CNTN5: variants seen among roughly 807,000 people sequenced by gnomAD.
CNTN5 encodes contactin-5.
In CNTN5, 77 loss-of-function variants were observed where a neutral mutation model predicts 129.1. The ratio of observed to expected loss-of-function variants is 0.60; its 90% CI spans 0.50 to 0.72. The LOEUF (loss-of-function observed/expected upper bound fraction) is 0.72. Among genes scored for constraint, CNTN5 ranks in the 30% least tolerant of loss-of-function variants. CNTN5 has a pLI of 0.00. For synonymous variants in CNTN5, 509 were observed against 465.6 expected (o/e 1.09, Z -1.20); for missense variants, 1,478 against 1,328.8 (o/e 1.11, Z -1.75).
rs572085995 is a variant in CNTN5 at position 99,450,970 on chromosome 11, G to A, written c.-70-105175G>A. On this transcript the variant is annotated intron_variant, in intron 2 of 24. Transcript: ENST00000524871. ...GTACTCAATGGAGCAAAGATAAGATGTGTAAAAGGAATATGATAGGGGAGT... is the reference window on the plus strand; with the variant it reads ...GTACTCAATGGAGCAAAGATAAGATATGTAAAAGGAATATGATAGGGGAGT... Among the ~76,000 whole-genome samples, 8 of 152,086 alleles carry A rather than the reference G, an allele frequency of 5.3e-5. No individual in the cohort carries two copies. In the East Asian group the frequency reaches 1.5e-3, roughly 29 times the overall value.
At chr11:100,035,900 T>C (rs1166191513) in intron 9 of CNTN5, among the ~76,000 whole-genome samples, 1 of 152,238 alleles carries the variant, frequency 6.6e-6, no homozygotes, top group East Asian at 1.9e-4. Context: ...GCAAAAATTT[T>C]CTCCCATTCT....
intron 9 of CNTN5, among the ~76,000 whole-genome samples, chr11:100,004,911 C>T (rs1226222192): frequency 1.3e-5 from 2 of 152,158 alleles, no homozygotes; most frequent in Non-Finnish European, 2.9e-5. Context: ...CTTCTCATCT[C>T]CTCTGGTGGC....
chr11:99,082,395 G>T (rs1865840171), intron 1 of CNTN5, among the ~76,000 whole-genome samples: 1 of 152,096 alleles, frequency 6.6e-6, no homozygotes, highest in Admixed American at 6.6e-5. Context: ...ATGTTGGCCA[G>T]GGTGGTCTCG....
At chr11:99,870,965 G>A (rs989892536) in intron 6 of CNTN5, among the ~76,000 whole-genome samples, 12 of 152,032 alleles carry the variant, frequency 7.9e-5, no homozygotes, top group African/African-American at 1.4e-4. Context: ...CTTGGGAGGC[G>A]TGACCTAACT....
chr11:100,319,574 A>G (rs560770786), intron 21 of CNTN5, among the ~76,000 whole-genome samples: 8 of 152,228 alleles, frequency 5.3e-5, no homozygotes, highest in Non-Finnish European at 1.0e-4. Flanking sequence ...GCACATAGTT[A>G]TCATTTTTAG....
At chr11:99,645,362 G>T (rs1951919915) in intron 3 of CNTN5, among the ~76,000 whole-genome samples, 1 of 149,912 alleles carries the variant, frequency 6.7e-6, no homozygotes, top group Admixed American at 6.7e-5. Context: ...TAAAATAATT[G>T]CCTAATGTAT....
At chr11:99,359,693 C>G (rs1039228958) in intron 2 of CNTN5, among the ~76,000 whole-genome samples, 7 of 151,856 alleles carry the variant, frequency 4.6e-5, no homozygotes, top group African/African-American at 7.3e-5. Flanking sequence ...ATCTGAATAT[C>G]AGCTAAATCA....
At chr11:99,307,780 C>T (rs115072551) in intron 1 of CNTN5, among the ~76,000 whole-genome samples, 61 of 152,120 alleles carry the variant, frequency 4.0e-4, no homozygotes, top group African/African-American at 1.4e-3. Context: ...TTAAACAGAT[C>T]GGGTCTTGTA....
intron 1 of CNTN5, among the ~76,000 whole-genome samples, chr11:99,207,263 C>G (rs1189850824): frequency 6.6e-6 from 1 of 152,088 alleles, no homozygotes; most frequent in Admixed American, 6.6e-5. Context: ...GAAGCATGTA[C>G]CACATACAAT....
intron 3 of CNTN5, among the ~76,000 whole-genome samples, chr11:99,623,883 A>C (rs568349907): frequency 6.6e-6 from 1 of 152,252 alleles, no homozygotes; most frequent in South Asian, 2.1e-4. Flanking sequence ...TCTGACATAC[A>C]TCATTTAAAT....
intron 4 of CNTN5, among the ~76,000 whole-genome samples, chr11:99,822,377 T>C (rs1190384793): frequency 6.6e-6 from 1 of 152,132 alleles, no homozygotes; most frequent in Non-Finnish European, 1.5e-5. Flanking sequence ...AATGGATACG[T>C]TGTATTATTT....
At chr11:99,916,571 G>T (rs938091307) in intron 7 of CNTN5, among the ~76,000 whole-genome samples, 6 of 152,076 alleles carry the variant, frequency 3.9e-5, no homozygotes, top group African/African-American at 1.4e-4. Flanking sequence ...TGCCACACTG[G>T]AATTAGAACT....
intron 13 of CNTN5, among the ~76,000 whole-genome samples, chr11:100,109,695 A>C (rs566515336): frequency 2.6e-5 from 4 of 152,364 alleles, no homozygotes; most frequent in African/African-American, 7.2e-5. Context: ...TATTAAGGGC[A>C]CAAAAGTATT....
intron 1 of CNTN5, among the ~76,000 whole-genome samples, chr11:99,260,715 C>T (rs1259198080): frequency 1.3e-5 from 2 of 151,846 alleles, no homozygotes; most frequent in African/African-American, 4.8e-5. Context: ...GGATGGTTAT[C>T]AAGGTTTTAT....
intron 6 of CNTN5, among the ~76,000 whole-genome samples, chr11:99,864,088 G>T (rs950141438): frequency 2.0e-5 from 3 of 152,102 alleles, no homozygotes; most frequent in Non-Finnish European, 4.4e-5. Flanking sequence ...GCTTTATATG[G>T]TGTCTGGTGC....
At chr11:99,902,565 G>T (rs921466266) in intron 6 of CNTN5, among the ~76,000 whole-genome samples, 10 of 152,120 alleles carry the variant, frequency 6.6e-5, no homozygotes, top group African/African-American at 2.4e-4. Context: ...GTGCAAAAGA[G>T]CTAGAGCAAC....
chr11:99,666,843 C>T (rs919366810), intron 3 of CNTN5, among the ~76,000 whole-genome samples: 1 of 152,094 alleles, frequency 6.6e-6, no homozygotes, highest in Non-Finnish European at 1.5e-5. Flanking sequence ...ATGTGATTAA[C>T]ATTAAGGTTC....
At chr11:99,720,403 A>G (rs1489256433) in intron 3 of CNTN5, among the ~76,000 whole-genome samples, 1 of 151,890 alleles carries the variant, frequency 6.6e-6, no homozygotes, top group Non-Finnish European at 1.5e-5. Context: ...AACTAAAGAC[A>G]AAAAACACAT....
At chr11:99,156,840 A>G (rs926955320) in intron 1 of CNTN5, among the ~76,000 whole-genome samples, 4 of 152,020 alleles carry the variant, frequency 2.6e-5, no homozygotes, top group Non-Finnish European at 5.9e-5. Flanking sequence ...GTGCTCAAAT[A>G]TAATGCAATA....
Sources: gnomAD v4.1 joint callset for allele counts (sites outside exome capture counted in the v4.1 genomes callset) on GRCh38, gnomAD v4.1.1 for gene constraint, MANE v1.5 for transcripts, NCBI Gene and HGNC (gene_info 2026-07-23, HGNC 2026-07-21) for gene names.